SMG1: variants seen among roughly 807,000 people sequenced by gnomAD.
The protein encoded by SMG1 is SMG1 nonsense mediated mRNA decay associated PI3K related kinase, also known as serine/threonine-protein kinase SMG1.
A neutral mutation model predicts 419.9 loss-of-function variants in SMG1; 22 were observed. That is an observed-to-expected ratio of 0.05 (90% CI 0.04 to 0.07). The LOEUF (loss-of-function observed/expected upper bound fraction) is 0.07, where lower values mean the gene tolerates loss of function less well. Among genes scored for constraint, SMG1 ranks in the 10% least tolerant of loss-of-function variants. The pLI is 1.00. For missense variants in SMG1, 3,185 were observed against 4,342.0 expected, an observed-to-expected ratio of 0.73 and a Z score of 7.49; for synonymous variants, 1,538 against 1,553.5, an observed-to-expected ratio of 0.99 and a Z score of 0.23.
chr16:18,893,444 G>C (rs1185963525), intron 3 of SMG1, among the ~76,000 whole-genome samples: 1 of 152,134 alleles, frequency 6.6e-6, no homozygotes, highest in African/African-American at 2.4e-5. Context: ...GGGCAACATG[G>C]TAAAACCCCA....
At chr16:18,819,000 G>C (rs1402761617) in intron 56 of SMG1, among the ~76,000 whole-genome samples, 1 of 151,996 alleles carries the variant, frequency 6.6e-6, no homozygotes, top group Non-Finnish European at 1.5e-5. Context: ...TGTATTTTTA[G>C]CAGAGACGGG....
chr16:18,861,954 A>C (rs1596541420), intron 25 of SMG1, among the ~76,000 whole-genome samples: 1 of 152,006 alleles, frequency 6.6e-6, no homozygotes, highest in Middle Eastern at 3.2e-3. Flanking sequence ...TGTTTCTTCA[A>C]CCTCTGCTTT....
At position 18,872,645 on chromosome 16, in the gene SMG1, G is replaced by GT. The variant is rs1479480097; in HGVS notation, c.1891-22dup. 2.2e-6 allele frequency: 3 copies of GT among 1,361,794 alleles called. No homozygotes were observed. In the African/African-American group the frequency reaches 4.4e-5, roughly 20 times the overall value. The allele number at this position is 1,361,794 out of a possible 1,614,324, so 84.4% of individuals were successfully genotyped here. A position where few individuals can be genotyped will look rare whatever the true frequency, so the allele number is the denominator to read the frequency against. ...CACATCTGATCATGTACAAAACAAA[G>GT]TAAGTTTATGGCTTCTCCAAAATAA... On this transcript the variant is annotated intron_variant, in intron 13 of 62. Coordinates refer to ENST00000446231, the MANE Select transcript of SMG1 (RefSeq NM_015092.5).
intron 13 of SMG1, among the ~76,000 whole-genome samples, chr16:18,874,051 C>A (rs1356272214): frequency 6.6e-6 from 1 of 152,206 alleles, no homozygotes; most frequent in Non-Finnish European, 1.5e-5. Flanking sequence ...AATCAAACAA[C>A]CCAGAGCACA....
At chr16:18,844,335 A>T (rs2034105629) in intron 39 of SMG1, among the ~76,000 whole-genome samples, 1 of 151,770 alleles carries the variant, frequency 6.6e-6, no homozygotes, top group South Asian at 2.1e-4. Context: ...AGGCTGAGGC[A>T]GGAGAATCAC....
chr16:18,910,918 A>G (rs1348763219), intron 1 of SMG1, among the ~76,000 whole-genome samples: 3 of 152,208 alleles, frequency 2.0e-5, no homozygotes, highest in Non-Finnish European at 2.9e-5. Flanking sequence ...TGGTGTTCTT[A>G]TAAGAATCAG....
rs1012291354 is a variant in SMG1, at chr16:18,828,310, C to T, written c.9604-142G>A. 7 of 709,548 alleles carry T rather than the reference C, an allele frequency of 9.9e-6. No individual in the cohort carries two copies. In the African/African-American group the frequency reaches 1.2e-4, roughly 13 times the overall value. The allele number at this position is 709,548 out of a possible 1,614,324, so 44.0% of individuals were successfully genotyped here. A position where few individuals can be genotyped will look rare whatever the true frequency, so the allele number is the denominator to read the frequency against. Reference sequence around the variant, plus strand: ...ATGGGAGGTAAGCAGGGAGAAGTAACAGAAAAGACACACTGAAAAAAATCA... The same window carrying T: ...ATGGGAGGTAAGCAGGGAGAAGTAATAGAAAAGACACACTGAAAAAAATCA... On this transcript the variant is annotated intron_variant, in intron 54 of 62. Transcript: ENST00000446231.
intron 1 of SMG1, among the ~76,000 whole-genome samples, chr16:18,901,955 G>T (rs538448579): frequency 7.9e-6 from 1 of 126,782 alleles, no homozygotes; most frequent in African/African-American, 3.2e-5. Flanking sequence ...AAAAAAAAAA[G>T]GGGGGGGTGG....
chr16:18,850,742 T>C (rs17731690), intron 33 of SMG1, among the ~76,000 whole-genome samples: 46,869 of 151,988 alleles, frequency 0.31, 7,969 homozygotes, highest in Non-Finnish European at 0.39. Flanking sequence ...CAATACAGTA[T>C]TCTACCTGCA....
intron 1 of SMG1, among the ~76,000 whole-genome samples, chr16:18,923,777 A>C (rs1368360854): frequency 1.3e-5 from 2 of 152,196 alleles, no homozygotes; most frequent in Non-Finnish European, 2.9e-5. Flanking sequence ...AGATGTTCTA[A>C]ACCTTCATTT....
At position 18,830,369 on chromosome 16, in the gene SMG1, T is replaced by G. The variant is rs2033085085; in HGVS notation, c.8793A>C (p.Arg2931Ser). 1 of 1,613,388 alleles carries G rather than the reference T, an allele frequency of 6.2e-7. No individual in the cohort carries two copies. The highest frequency in any genetic ancestry group is 1.3e-5 in the African/African-American group (1 of 74,880). ...ATTCACCGTACTGAGCATGTAGTAG[T>G]CTACAGAAAAACAAAAGGAGTTAAA... ...ETHAHYIDVA[R>S]LLHAQYGELI... is the part of the protein sequence containing the mutation. Residue 2931 changes from arginine to serine, a missense_variant and splice_region_variant, in exon 52 of 63, where the codon AGA becomes AGC. Transcript: ENST00000446231.
chr16:18,881,425 A>T (rs1034943643), intron 10 of SMG1, among the ~76,000 whole-genome samples: 3 of 152,204 alleles, frequency 2.0e-5, no homozygotes, highest in African/African-American at 7.2e-5. Context: ...TAAAAATTTT[A>T]TATATCTACA....
intron 1 of SMG1, among the ~76,000 whole-genome samples, chr16:18,913,827 C>T (rs188383051): frequency 3.9e-5 from 6 of 151,976 alleles, no homozygotes; most frequent in Admixed American, 3.9e-4. Flanking sequence ...ATGAGCATAA[C>T]TTAGGAAGTT....
Position 18,869,259 on chromosome 16 carries a change from A to C in SMG1, c.2678T>G (p.Leu893Arg). The change falls in exon 20 of 63, where the codon CTG becomes CGG. Residue 893 changes from leucine (L) to arginine (R), a missense_variant. By Grantham distance (102) the Leu-to-Arg change is moderately radical (BLOSUM62 -2). Transcript: ENST00000446231. ...AATTGTTGACTGGTCACGCTTATCC[A>C]GTCTCTGGCAGCTATAGAACAGTCT... ...LERLFYSCQR[L>R]DKRDQSTIPR... 3.1e-6 allele frequency: 5 copies of C among 1,611,698 alleles called. No individual in the cohort carries two copies. Among genetic ancestry groups the C allele is most frequent in the Non-Finnish European group, 4.2e-6 (5 of 1,179,610 alleles).
chr16:18,896,903 T>A lies in SMG1; in HGVS notation c.146A>T (p.Asp49Val). The part of the protein sequence containing the change: ...PDNLKYSSSR[D>V]RGGSSSYGLQ... Reference sequence around the variant, plus strand: ...TCCATAAGAGGAAGAACCACCTCTATCTCTGGATGAAGAATATTTTAAATT... The same window carrying A: ...TCCATAAGAGGAAGAACCACCTCTAACTCTGGATGAAGAATATTTTAAATT... Residue 49 changes from aspartate to valine, a missense_variant, in exon 2 of 63, where the codon GAT becomes GTT. Coordinates refer to ENST00000446231, the MANE Select transcript of SMG1 (RefSeq NM_015092.5). The A allele has an allele frequency of 5.6e-6, 9 of 1,601,888 alleles. No homozygotes were observed. The highest frequency in any genetic ancestry group is 6.8e-6 in the Non-Finnish European group (8 of 1,173,456).
chr16:18,911,635 C>T (rs1169251260), intron 1 of SMG1: 1 of 151,574 alleles, frequency 6.6e-6, no homozygotes. Flanking sequence ...ACCCTCCCAA[C>T]GTCTTCAAAA....
chr16:18,860,594 G>T (rs1250678549), intron 26 of SMG1, 73 bp downstream of exon 26: 4 of 677,536 alleles, frequency 5.9e-6, no homozygotes, highest in Non-Finnish European at 1.0e-5. Context: ...AGATTTTCCA[G>T]TAAAATATAC....
chr16:18,905,233 A>G (rs2037514302), intron 1 of SMG1, among the ~76,000 whole-genome samples: 1 of 152,196 alleles, frequency 6.6e-6, no homozygotes, highest in Non-Finnish European at 1.5e-5. Flanking sequence ...TGCACTCCAG[A>G]CCAGGCAACA....
chr16:18,901,144 A>G (rs1289693540), intron 1 of SMG1, among the ~76,000 whole-genome samples: 1 of 152,220 alleles, frequency 6.6e-6, no homozygotes, highest in Non-Finnish European at 1.5e-5. Flanking sequence ...TTAAATTAAT[A>G]TAATTTATCG....
Sources: allele counts gnomAD v4.1 joint callset (sites outside exome capture counted in the v4.1 genomes callset), GRCh38; gene constraint gnomAD v4.1.1; transcripts MANE v1.5; gene names NCBI Gene and HGNC (gene_info 2026-07-23, HGNC 2026-07-21).